The following TMEM114 variants were observed in gnomAD, a reference collection of about 807,000 sequenced individuals.
The protein encoded by TMEM114 is transmembrane protein 114, also known as claudin-26.
TMEM114 carries 6 observed loss-of-function variants against 6.2 expected under a neutral mutation model. The observed-to-expected ratio is 0.97, with a 90% confidence interval of 0.53 to 1.91. TMEM114 has a LOEUF of 1.91. Among genes scored for constraint, TMEM114 ranks in the 40% most tolerant of loss-of-function variants. The pLI is 0.01. For missense variants in TMEM114, 218 were observed against 158.3 expected (o/e 1.38, Z -2.02); for synonymous variants, 104 against 73.0 (o/e 1.42, Z -2.16).
At chr16:8,566,345 C>T (rs1596482420), downstream of TMEM114, among the ~76,000 whole-genome samples, 1 of 147,942 alleles carries the variant, frequency 6.8e-6, no homozygotes, top group Non-Finnish European at 1.5e-5. Context: ...CCATTGCACC[C>T]CAGCCTGGGT....
chr16:8,561,140 A>G (rs988743035), intron 2 of TMEM114, among the ~76,000 whole-genome samples: 8 of 152,196 alleles, frequency 5.3e-5, no homozygotes, highest in African/African-American at 1.4e-4. Flanking sequence ...GCAACTCAAG[A>G]TGAGATTTGG....
chr16:8,546,813 C>G (rs1270235466), intron 2 of TMEM114, among the ~76,000 whole-genome samples: 1 of 152,236 alleles, frequency 6.6e-6, no homozygotes, highest in African/African-American at 2.4e-5. Flanking sequence ...AGGTTTCGCT[C>G]TCCTCTATCT....
intron 2 of TMEM114, among the ~76,000 whole-genome samples, chr16:8,563,047 A>AGTG (rs1454766879): frequency 1.2e-5 from 1 of 82,592 alleles, no homozygotes; most frequent in African/African-American, 4.7e-5. Flanking sequence ...TGAATGAGTA[A>AGTG]ATTGAGTGAA....
chr16:8,575,692 T>A (rs931892864), intron 2 of TMEM114, among the ~76,000 whole-genome samples: 2 of 152,228 alleles, frequency 1.3e-5, no homozygotes, highest in Non-Finnish European at 2.9e-5. Flanking sequence ...ACTAAGAGTA[T>A]GCACTTTACA....
intron 2 of TMEM114, among the ~76,000 whole-genome samples, chr16:8,583,724 G>C (rs1019445229): frequency 7.9e-5 from 12 of 152,036 alleles, no homozygotes; most frequent in Admixed American, 7.9e-4. Flanking sequence ...CTGCAGCCTG[G>C]GCAACAGAGC....
rs759991558 is a variant in TMEM114, at chr16:8,569,860, G to A, written c.585C>T (p.Ser195=). 13 of 1,551,132 alleles carry A rather than the reference G, an allele frequency of 8.4e-6. No individual in the cohort carries two copies. The East Asian group carries it at 1.7e-4, about 20-fold the overall frequency. ...CCCCGGTGAGCAGCTCGGCGATGAA[G>A]CTGATCCAGCCCAGGGCCAGGGACC... ...FGWSLALGWI[S]FIAELLTGAA... is the part of the protein sequence containing the mutation. Residue 195 remains serine, a synonymous_variant, in exon 4 of 4, where the codon AGC becomes AGT. Coordinates refer to ENST00000620492, the MANE Select transcript of TMEM114 (RefSeq NM_001146336.2).
chr16:8,554,210 T>A (rs1263915865), intron 2 of TMEM114, among the ~76,000 whole-genome samples: 1 of 151,918 alleles, frequency 6.6e-6, no homozygotes, highest in Non-Finnish European at 1.5e-5. Flanking sequence ...ATTTTCCCCT[T>A]TATTCACTGC....
intron 2 of TMEM114, among the ~76,000 whole-genome samples, chr16:8,564,235 T>TAGTGAATGAGTGAGTG (rs1421607231): frequency 6.2e-5 from 3 of 48,726 alleles, no homozygotes; most frequent in East Asian, 1.5e-3. Context: ...ATGAGTGAGT[T>TAGTGAATGAGTGAGTG]AGTGAATGAG....
At chr16:8,563,153 ATGAG>A (rs200553548) in intron 2 of TMEM114, among the ~76,000 whole-genome samples, 17,614 of 142,292 alleles carry the variant, frequency 0.12, 1,350 homozygotes, top group Middle Eastern at 0.23. Flanking sequence ...GAGTGACTGA[ATGAG>A]TGAGTGAGTG....
At chr16:8,583,588 A>G (rs905285782) in intron 2 of TMEM114, among the ~76,000 whole-genome samples, 1 of 152,094 alleles carries the variant, frequency 6.6e-6, no homozygotes, top group African/African-American at 2.4e-5. Flanking sequence ...TCTACAAAAA[A>G]TAATACAAAA....
intron 2 of TMEM114, among the ~76,000 whole-genome samples, chr16:8,548,179 C>A (rs373914141): frequency 1.3e-5 from 2 of 152,164 alleles, no homozygotes; most frequent in East Asian, 3.9e-4. Context: ...AACGGTGGGA[C>A]CCTGACTGAG....
chr16:8,558,290 A>C (rs1176408778), intron 2 of TMEM114, among the ~76,000 whole-genome samples: 1 of 152,172 alleles, frequency 6.6e-6, no homozygotes, highest in East Asian at 1.9e-4. Context: ...TCAAGGTGTC[A>C]GGTGGGCCAT....
chr16:8,571,942 C>T, intron 3 of TMEM114, 145 bp downstream of exon 3: 1 of 1,035,650 alleles, frequency 9.7e-7, no homozygotes, highest in East Asian at 2.9e-5. Flanking sequence ...GGAAACCACT[C>T]ATCTCTTCCA....
chr16:8,555,975 G>A (rs74761708), intron 2 of TMEM114, among the ~76,000 whole-genome samples: 11,418 of 152,242 alleles, frequency 0.075, 526 homozygotes, highest in Middle Eastern at 0.18. Context: ...TGTCTGAAGC[G>A]CTGTCTTCCA....
intron 2 of TMEM114, among the ~76,000 whole-genome samples, chr16:8,551,465 G>C (rs1365077005): frequency 6.6e-6 from 1 of 152,202 alleles, no homozygotes; most frequent in African/African-American, 2.4e-5. Context: ...AGATGAAAAT[G>C]TCAAGGCCAA....
At chr16:8,568,276 GC>G (rs916595303), downstream of TMEM114, among the ~76,000 whole-genome samples, 10 of 152,126 alleles carry the variant, frequency 6.6e-5, no homozygotes, top group South Asian at 1.0e-3. Flanking sequence ...AGGAGTCATT[GC>G]CCCCCCAGTT....
intron 2 of TMEM114, among the ~76,000 whole-genome samples, chr16:8,545,953 G>C (rs1900653148): frequency 6.6e-6 from 1 of 151,950 alleles, no homozygotes; most frequent in South Asian, 2.1e-4. Context: ...TATCTCTACA[G>C]AAAATTTAAA....
downstream of TMEM114, chr16:8,537,484 G>C (rs574297234): frequency 6.2e-4 from 94 of 152,322 alleles, 1 homozygote; most frequent in African/African-American, 2.2e-3. Context: ...CTGGGTGACA[G>C]AGTGAGACTC....
chr16:8,577,595 T>C lies in TMEM114; in HGVS notation c.302-5371A>G, dbSNP rs1474696654. Among the ~76,000 whole-genome samples, 7 of 152,188 alleles carry C rather than the reference T, an allele frequency of 4.6e-5. No individual in the cohort carries two copies. In the East Asian group the frequency reaches 1.3e-3, roughly 29 times the overall value. The stretch of plus-strand genomic sequence containing the variant: ...TGATTTTGTTTTTTGTTTTTTGTTT[T>C]TTTTTTGAGATTGAGTCTCGCTCTG... On this transcript the variant is annotated intron_variant, in intron 2 of 3. Coordinates refer to ENST00000620492, the MANE Select transcript of TMEM114 (RefSeq NM_001146336.2).
Sources: gnomAD v4.1 joint callset for allele counts (sites outside exome capture counted in the v4.1 genomes callset) on GRCh38, gnomAD v4.1.1 for gene constraint, MANE v1.5 for transcripts, NCBI Gene and HGNC (gene_info 2026-07-23, HGNC 2026-07-21) for gene names.